The following FSTL5 variants were observed in gnomAD, a reference collection of about 807,000 sequenced individuals.
FSTL5 encodes follistatin like 5.
FSTL5 carries 62 observed loss-of-function variants against 89.1 expected under a neutral mutation model. That is an observed-to-expected ratio of 0.70 (90% CI 0.57 to 0.86). FSTL5 has a LOEUF of 0.86. FSTL5 is among the 40% of genes least tolerant of loss of function. The pLI is 0.00. For missense variants in FSTL5, 1,057 were observed against 1,001.6 expected (o/e 1.06, Z -0.75); for synonymous variants, 383 against 346.2 (o/e 1.11, Z -1.18).
intron 2 of FSTL5, among the ~76,000 whole-genome samples, chr4:162,100,554 G>A (rs530586767): frequency 3.3e-4 from 51 of 152,254 alleles, no homozygotes; most frequent in African/African-American, 1.1e-3. Flanking sequence ...TATTTAGGGC[G>A]ATGAAACTAT....
chr4:161,486,080 G>A (rs192256944), intron 12 of FSTL5, among the ~76,000 whole-genome samples: 202 of 148,386 alleles, frequency 1.4e-3, no homozygotes, highest in African/African-American at 5.0e-3. Flanking sequence ...GGAGGCAGAG[G>A]TTGCAGTGAG....
chr4:161,897,241 A>C (rs562743469), intron 4 of FSTL5, among the ~76,000 whole-genome samples: 2 of 151,954 alleles, frequency 1.3e-5, no homozygotes, highest in Non-Finnish European at 2.9e-5. Flanking sequence ...TTACATATTT[A>C]TAATAGGTAA....
intron 11 of FSTL5, among the ~76,000 whole-genome samples, chr4:161,503,361 A>G (rs17041124): frequency 0.21 from 31,722 of 151,720 alleles, 3,631 homozygotes; most frequent in East Asian, 0.37. Context: ...CCTCAAACCC[A>G]TATATGCTAA....
chr4:161,568,399 C>T (rs1290759953), intron 8 of FSTL5, among the ~76,000 whole-genome samples: 2 of 152,138 alleles, frequency 1.3e-5, no homozygotes. Flanking sequence ...CAGCGGGTAA[C>T]TTAGCCCTGA....
At chr4:162,058,577 A>G (rs1286802275) in intron 2 of FSTL5, among the ~76,000 whole-genome samples, 1 of 151,428 alleles carries the variant, frequency 6.6e-6, no homozygotes, top group Non-Finnish European at 1.5e-5. Context: ...ACAGGCACGC[A>G]CCACCATGCC....
At chr4:161,739,980 C>T (rs1739950208) in intron 6 of FSTL5, among the ~76,000 whole-genome samples, 1 of 151,596 alleles carries the variant, frequency 6.6e-6, no homozygotes, top group South Asian at 2.1e-4. Flanking sequence ...TTAATGTGTT[C>T]AAAATAGGAT....
At chr4:161,484,690 A>G (rs1334342013) in intron 12 of FSTL5, among the ~76,000 whole-genome samples, 4 of 152,116 alleles carry the variant, frequency 2.6e-5, no homozygotes, top group African/African-American at 7.2e-5. Flanking sequence ...CAGAATTTCT[A>G]ATTATTATCC....
chr4:161,640,867 A>C (rs1735933840), intron 7 of FSTL5, among the ~76,000 whole-genome samples: 1 of 152,326 alleles, frequency 6.6e-6, no homozygotes, highest in Admixed American at 6.5e-5. Flanking sequence ...TTACAATCAA[A>C]CCTTTAAGAG....
intron 3 of FSTL5, among the ~76,000 whole-genome samples, chr4:161,972,295 AACTCCTGACCTC>A (rs1735506357): frequency 6.6e-6 from 1 of 152,000 alleles, no homozygotes; most frequent in African/African-American, 2.4e-5. Context: ...GCTGGTCTCG[AACTCCTGACCTC>A]AGGTGATCCA....
At chr4:162,020,328 TA>T (rs570310365) in intron 3 of FSTL5, among the ~76,000 whole-genome samples, 2 of 151,914 alleles carry the variant, frequency 1.3e-5, no homozygotes, top group Non-Finnish European at 1.5e-5. Context: ...AATTCAATAT[TA>T]AAAAAATAGA....
intron 6 of FSTL5, among the ~76,000 whole-genome samples, chr4:161,734,098 G>C (rs1444832994): frequency 1.3e-5 from 2 of 152,032 alleles, no homozygotes; most frequent in Non-Finnish European, 2.9e-5. Context: ...AAAGATCTTT[G>C]AGAAGTAAAT....
intron 2 of FSTL5, among the ~76,000 whole-genome samples, chr4:162,077,236 G>A (rs1474988548): frequency 6.6e-6 from 1 of 151,738 alleles, no homozygotes; most frequent in Non-Finnish European, 1.5e-5. Flanking sequence ...TAAAGAAAGA[G>A]GGAGCCCAAC....
intron 3 of FSTL5, among the ~76,000 whole-genome samples, chr4:162,000,546 C>T (rs572550217): frequency 3.3e-5 from 5 of 150,928 alleles, no homozygotes; most frequent in Non-Finnish European, 5.9e-5. Flanking sequence ...TGCAGTGAGC[C>T]GAGATCGCCC....
intron 3 of FSTL5, among the ~76,000 whole-genome samples, chr4:161,980,285 GAAAGAGAA>G (rs938744700): frequency 8.0e-5 from 12 of 150,722 alleles, no homozygotes; most frequent in Admixed American, 2.6e-4. Flanking sequence ...AAGAAAGAAA[GAAAGAGAA>G]AGAAAGAAAG....
chr4:162,154,855 A>G (rs1733405720), intron 1 of FSTL5, among the ~76,000 whole-genome samples: 1 of 152,120 alleles, frequency 6.6e-6, no homozygotes, highest in Admixed American at 6.6e-5. Context: ...TTCTTCCTAT[A>G]AAAGATTTAA....
intron 7 of FSTL5, among the ~76,000 whole-genome samples, chr4:161,645,772 C>A (rs946024209): frequency 6.6e-6 from 1 of 152,026 alleles, no homozygotes; most frequent in Non-Finnish European, 1.5e-5. Flanking sequence ...GGCTTAGAAG[C>A]TTTTGGATCA....
intron 6 of FSTL5, among the ~76,000 whole-genome samples, chr4:161,663,587 A>G (rs1736789164): frequency 6.6e-6 from 1 of 152,124 alleles, no homozygotes; most frequent in Admixed American, 6.5e-5. Context: ...ATTGCAGGGT[A>G]CAGCCTCCCT....
intron 15 of FSTL5, among the ~76,000 whole-genome samples, chr4:161,453,308 G>T (rs548479784): frequency 4.7e-4 from 71 of 152,048 alleles, no homozygotes; most frequent in South Asian, 3.1e-3. Context: ...AAAAACAAAG[G>T]TTACATATCT....
chr4:161,948,543 G>A (rs1170034408), intron 3 of FSTL5, among the ~76,000 whole-genome samples: 1 of 131,296 alleles, frequency 7.6e-6, no homozygotes, highest in Admixed American at 8.9e-5. Context: ...CTGGAATGCA[G>A]TTCAAGCCGT....
Sources: allele counts gnomAD v4.1 joint callset (sites outside exome capture counted in the v4.1 genomes callset), GRCh38; gene constraint gnomAD v4.1.1; transcripts MANE v1.5; gene names NCBI Gene and HGNC (gene_info 2026-07-23, HGNC 2026-07-21).